The following DTWD2 variants were observed in gnomAD, a reference collection of about 807,000 sequenced individuals.
DTWD2 encodes DTW motif tRNA-uridine aminocarboxypropyltransferase 2.
In DTWD2, 39 loss-of-function variants were observed where a neutral mutation model predicts 31.8. That is an observed-to-expected ratio of 1.22 (90% CI 0.95 to 1.60). The LOEUF (loss-of-function observed/expected upper bound fraction) is 1.60. DTWD2 is among the 40% of genes most tolerant of loss of function. The pLI, the probability that DTWD2 is intolerant of heterozygous loss-of-function variation, is 0.00. For synonymous variants in DTWD2, 180 were observed against 142.8 expected (o/e 1.26, Z -1.86); for missense variants, 515 against 381.5 (o/e 1.35, Z -2.92).
chr5:118,861,739 G>T (rs1052795770), intron 4 of DTWD2, among the ~76,000 whole-genome samples: 1 of 152,060 alleles, frequency 6.6e-6, no homozygotes, highest in Non-Finnish European at 1.5e-5. Flanking sequence ...TCAGTATAGC[G>T]AAAAGAGCAG....
intron 1 of DTWD2, among the ~76,000 whole-genome samples, chr5:118,985,408 A>G (rs1009463891): frequency 6.6e-6 from 1 of 150,648 alleles, no homozygotes; most frequent in Non-Finnish European, 1.5e-5. Context: ...ATGTTCCTAT[A>G]ACACCTTACA....
intron 1 of DTWD2, among the ~76,000 whole-genome samples, chr5:118,976,459 G>GA (rs573618009): frequency 2.0e-5 from 3 of 151,834 alleles, no homozygotes; most frequent in African/African-American, 7.3e-5. Context: ...TAATAAAGAA[G>GA]AAAAAAGAGA....
At chr5:118,890,821 G>A (rs749499165) in intron 4 of DTWD2, among the ~76,000 whole-genome samples, 14 of 152,008 alleles carry the variant, frequency 9.2e-5, no homozygotes, top group African/African-American at 3.1e-4. Context: ...CACCCACCTC[G>A]ACCTCCCAAA....
rs1054177273 is a variant in DTWD2, at chr5:118,879,646, C to T, written c.598-31428G>A. Among the ~76,000 whole-genome samples, 6 of 151,460 alleles carry T rather than the reference C, an allele frequency of 4.0e-5. No individual in the cohort carries two copies. The South Asian group carries it at 1.3e-3, about 32-fold the overall frequency. ...AAAAAAAAAAGAACGAGATCATGTC[C>T]TTTGCAGGGACATGGATGGAGCTAA... On this transcript the variant is annotated intron_variant, in intron 4 of 5. Transcript: ENST00000510708.
At chr5:118,980,126 T>C (rs1289876280) in intron 1 of DTWD2, among the ~76,000 whole-genome samples, 1 of 152,254 alleles carries the variant, frequency 6.6e-6, no homozygotes, top group Non-Finnish European at 1.5e-5. Context: ...AATAACCTTT[T>C]GTTCTGGACT....
At chr5:118,845,856 T>C (rs1301304916) in intron 5 of DTWD2, among the ~76,000 whole-genome samples, 4 of 152,200 alleles carry the variant, frequency 2.6e-5, no homozygotes, top group Non-Finnish European at 4.4e-5. Context: ...TTTTTTTTGT[T>C]TGTTTGTTTT....
At chr5:118,892,610 T>C (rs1752998930) in intron 4 of DTWD2, among the ~76,000 whole-genome samples, 1 of 152,114 alleles carries the variant, frequency 6.6e-6, no homozygotes, top group Non-Finnish European at 1.5e-5. Context: ...TGAAATACCA[T>C]TTCTCACCTG....
At chr5:118,941,418 C>G (rs1417680310) in intron 2 of DTWD2, among the ~76,000 whole-genome samples, 1 of 152,146 alleles carries the variant, frequency 6.6e-6, no homozygotes, top group African/African-American at 2.4e-5. Flanking sequence ...TGAGTGAGAA[C>G]ATGCAGTGTT....
At chr5:118,965,103 G>C (rs1754803835) in intron 1 of DTWD2, among the ~76,000 whole-genome samples, 1 of 151,988 alleles carries the variant, frequency 6.6e-6, no homozygotes, top group African/African-American at 2.4e-5. Flanking sequence ...CCCCGTCTGG[G>C]AGGTGAGGAG....
Position 118,836,632 on chromosome 5 carries a change from GT to G in DTWD2, c.*4284del. 6.6e-6 allele frequency among the ~76,000 whole-genome samples: 1 copy of G among 152,286 alleles called. No homozygotes were observed. The highest frequency in any genetic ancestry group is 1.5e-5 in the Non-Finnish European group (1 of 68,022). On this transcript the variant is annotated 3_prime_UTR_variant, in exon 6 of 6. Coordinates refer to ENST00000510708, the MANE Select transcript of DTWD2 (RefSeq NM_173666.4). Reference sequence around the variant, plus strand: ...GAGTTGCTATGGTCTGAATATTTGTGTCCCCACAAAACTCACAGGTTGAAAC... The same window carrying G: ...GAGTTGCTATGGTCTGAATATTTGTGCCCCACAAAACTCACAGGTTGAAAC...
chr5:118,939,442 C>A, intron 2 of DTWD2, 152 bp from the exon 3 acceptor site: 1 of 632,446 alleles, frequency 1.6e-6, no homozygotes, highest in Non-Finnish European at 2.5e-6. Context: ...GGTAAAATTT[C>A]TCTGATTTAT....
rs899418517 is a variant in DTWD2, at chr5:118,902,890, C to A, written c.597+25647G>T. Among the ~76,000 whole-genome samples, 12 of 151,958 alleles carry A rather than the reference C, an allele frequency of 7.9e-5. 1 individual carries two copies. Among genetic ancestry groups the A allele is most frequent in the African/African-American group, 1.9e-4 (8 of 41,418 alleles). On this transcript the variant is annotated intron_variant, in intron 4 of 5. Transcript: ENST00000510708. ...GAATCATTACAATGTTATTAATATC[C>A]TTTTATACCACATAGTTTATACCAC...
At chr5:118,862,207 G>C (rs947169155) in intron 4 of DTWD2, among the ~76,000 whole-genome samples, 1 of 152,212 alleles carries the variant, frequency 6.6e-6, no homozygotes, top group Non-Finnish European at 1.5e-5. Context: ...AAGTGGAATA[G>C]TTTCATCCCA....
chr5:118,838,493 G>C lies in DTWD2; in HGVS notation c.*2424C>G, dbSNP rs1751627415. The C allele has an allele frequency of 6.6e-6, 1 of 152,110 alleles. No homozygotes were observed. Among genetic ancestry groups the C allele is most frequent in the African/African-American group, 2.4e-5 (1 of 41,426 alleles). The allele number at this position is 152,110 out of a possible 1,614,324, so 9.4% of individuals were successfully genotyped here. ...ATTAATTTTTCAATTAAAATACTCA[G>C]ATAATACTACACACTTGAGAACTTT... On this transcript the variant is annotated 3_prime_UTR_variant, in exon 6 of 6. Transcript: ENST00000510708.
chr5:118,885,697 C>A (rs1580786732), intron 4 of DTWD2, among the ~76,000 whole-genome samples: 1 of 149,652 alleles, frequency 6.7e-6, no homozygotes, highest in South Asian at 2.1e-4. Flanking sequence ...ACTCGGGAGG[C>A]AGAGGTTATA....
chr5:118,967,026 T>C (rs1020054421), intron 1 of DTWD2, among the ~76,000 whole-genome samples: 1 of 129,602 alleles, frequency 7.7e-6, no homozygotes, highest in Non-Finnish European at 1.6e-5. Context: ...GGGGACTCCA[T>C]CTCAAAAAAA....
Position 118,855,239 on chromosome 5 carries a change from GTAAAACTTTT to G in DTWD2, c.598-7031_598-7022del, listed in dbSNP as rs367690935. Among the ~76,000 whole-genome samples, 612 of 142,380 alleles carry G rather than the reference GTAAAACTTTT, an allele frequency of 4.3e-3. 1 individual carries two copies. The highest frequency in any genetic ancestry group is 0.015 in the African/African-American group (582 of 38,844). The allele number at this position is 142,380 out of a possible 152,430, so 93.4% of individuals were successfully genotyped here. ...AAATATGTAATTACAAGAAGTTGCGGTAAAACTTTTTACCGCAACTTCTTGTAATTACATA... is the reference window on the plus strand; with the variant it reads ...AAATATGTAATTACAAGAAGTTGCGGTACCGCAACTTCTTGTAATTACATA... On this transcript the variant is annotated intron_variant, in intron 4 of 5. Coordinates refer to ENST00000510708, the MANE Select transcript of DTWD2 (RefSeq NM_173666.4).
rs189678658 is a variant in DTWD2, at chr5:118,947,199, A to C, written c.219-2550T>G. Among the ~76,000 whole-genome samples, 475 of 152,244 alleles carry C rather than the reference A, an allele frequency of 3.1e-3. 10 individuals are homozygous for C. Among genetic ancestry groups the C allele is most frequent in the Admixed American group, 0.028 (427 of 15,304 alleles). The stretch of plus-strand genomic sequence containing the variant: ...TCCATGGGGCCCCCCGGCAGTGTCT[A>C]GGTGAGTACTCGTGACCCCTGAAGC... On this transcript the variant is annotated intron_variant, in intron 1 of 5. Coordinates refer to ENST00000510708, the MANE Select transcript of DTWD2 (RefSeq NM_173666.4).
At chr5:118,984,740 G>A (rs1755385425) in intron 1 of DTWD2, among the ~76,000 whole-genome samples, 1 of 152,096 alleles carries the variant, frequency 6.6e-6, no homozygotes, top group Non-Finnish European at 1.5e-5. Context: ...TTTAAAACAT[G>A]CTGTTTTTAG....
Sources: gnomAD v4.1 joint callset for allele counts (sites outside exome capture counted in the v4.1 genomes callset) on GRCh38, gnomAD v4.1.1 for gene constraint, MANE v1.5 for transcripts, NCBI Gene and HGNC (gene_info 2026-07-23, HGNC 2026-07-21) for gene names.